IGFBP2: variants seen among roughly 807,000 people sequenced by gnomAD.
IGFBP2 encodes the protein insulin-like growth factor-binding protein 2.
In IGFBP2, 12 loss-of-function variants were observed where a neutral mutation model predicts 26.2. That is an observed-to-expected ratio of 0.46 (90% confidence interval 0.29 to 0.74). The LOEUF (loss-of-function observed/expected upper bound fraction) is 0.74. Among genes scored for constraint, IGFBP2 ranks in the 30% least tolerant of loss-of-function variants. IGFBP2 has a pLI of 0.09. For missense variants in IGFBP2, 328 were observed against 441.2 expected, an observed-to-expected ratio of 0.74 and a Z score of 2.30; for synonymous variants, 189 against 200.6, an observed-to-expected ratio of 0.94 and a Z score of 0.49.
intron 1 of IGFBP2, among the ~76,000 whole-genome samples, chr2:216,657,920 G>A (rs1291891140): frequency 6.6e-6 from 1 of 151,648 alleles, no homozygotes; most frequent in African/African-American, 2.4e-5. Context: ...TTTTTTTCCT[G>A]GAGTTCAACA....
At chr2:216,637,766 A>C (rs1296667005) in intron 1 of IGFBP2, among the ~76,000 whole-genome samples, 2 of 152,152 alleles carry the variant, frequency 1.3e-5, no homozygotes, top group Non-Finnish European at 2.9e-5. Context: ...TGGACTGTTG[A>C]GCTTCCTGTC....
At position 216,661,648 on chromosome 2, in the gene IGFBP2, A is replaced by G. The variant is rs955909073; in HGVS notation, c.673-210A>G. ...GAGAGGAGTGAACATTCCCATCCATACAATTTTCTTTAGGGGCTGGGGTTG... is the reference window on the plus strand; with the variant it reads ...GAGAGGAGTGAACATTCCCATCCATGCAATTTTCTTTAGGGGCTGGGGTTG... On this transcript the variant is annotated intron_variant, in intron 2 of 3. Coordinates refer to ENST00000233809, the MANE Select transcript of IGFBP2 (RefSeq NM_000597.3). 31 of 644,196 alleles carry G rather than the reference A, an allele frequency of 4.8e-5. No individual in the cohort carries two copies. The African/African-American group carries it at 5.2e-4, about 11-fold the overall frequency. 39.9% of individuals were successfully genotyped at this position (644,196 alleles called of 1,614,324 possible).
At position 216,660,802 on chromosome 2, in the gene IGFBP2, G is replaced by T; in HGVS notation, c.672+16G>T. Reference sequence around the variant, plus strand: ...CCCTGCCAGGGTCAGTGAGGGTCAGGTCTGGTGGAAGGGGTGGGAGGACAA... The same window carrying T: ...CCCTGCCAGGGTCAGTGAGGGTCAGTTCTGGTGGAAGGGGTGGGAGGACAA... On this transcript the variant is annotated intron_variant, in intron 2 of 3. Coordinates refer to ENST00000233809, the MANE Select transcript of IGFBP2 (RefSeq NM_000597.3). 1 of 1,556,984 alleles carries T rather than the reference G, an allele frequency of 6.4e-7. No individual in the cohort carries two copies. Among genetic ancestry groups the T allele is most frequent in the African/African-American group, 1.4e-5 (1 of 73,644 alleles).
At chr2:216,661,710 G>A (rs1475346898) in intron 2 of IGFBP2, 148 bp from the exon 3 acceptor site, 3 of 907,668 alleles carry the variant, frequency 3.3e-6, no homozygotes, top group Admixed American at 2.0e-5. Context: ...CGGGCAGGCT[G>A]TCAGAAGTCC....
intron 1 of IGFBP2, chr2:216,659,744 G>C (rs1341091377): frequency 1.3e-6 from 2 of 1,535,268 alleles, no homozygotes; most frequent in Non-Finnish European, 1.7e-6. Flanking sequence ...TTCATGCCCT[G>C]CAGTAAGCTG....
chr2:216,663,587 C>G (rs1427344361), intron 3 of IGFBP2: 1 of 218,020 alleles, frequency 4.6e-6, no homozygotes, highest in African/African-American at 2.2e-5. Context: ...TATGACTAAG[C>G]TTCAGTATGC....
In IGFBP2 at chr2:216,662,189, C is replaced by T. The variant is rs190231045; in HGVS notation, c.813+191C>T. 314 of 640,734 alleles carry T rather than the reference C, an allele frequency of 4.9e-4. 1 individual carries two copies. Among genetic ancestry groups the T allele is most frequent in the Middle Eastern group, 1.3e-3 (3 of 2,314 alleles). 39.7% of individuals were successfully genotyped at this position (640,734 alleles called of 1,614,324 possible). ...AGGGTGCAGCTCTTCTCCCTGCCTCCGACGGGTCAGTTGCTGGCTCCACTT... is the reference window on the plus strand; with the variant it reads ...AGGGTGCAGCTCTTCTCCCTGCCTCTGACGGGTCAGTTGCTGGCTCCACTT... On this transcript the variant is annotated intron_variant, in intron 3 of 3. Coordinates refer to ENST00000233809, the MANE Select transcript of IGFBP2 (RefSeq NM_000597.3).
intron 1 of IGFBP2, among the ~76,000 whole-genome samples, chr2:216,635,757 TG>T (rs1559173552): frequency 6.7e-6 from 1 of 150,338 alleles, no homozygotes; most frequent in African/African-American, 2.5e-5. Flanking sequence ...CTGAAGGGGG[TG>T]GGGGGTAGTT....
rs767042964 is a variant in IGFBP2, at chr2:216,660,539, C to T, written c.443-18C>T. The T allele has an allele frequency of 6.4e-7, 1 of 1,568,606 alleles. No individual in the cohort carries two copies. Among genetic ancestry groups the T allele is most frequent in the South Asian group, 1.2e-5 (1 of 84,018 alleles). The stretch of plus-strand genomic sequence containing the variant: ...GGAAACTGGACCTGGAGCTTTTCTT[C>T]CCTTCCTCTCTTGGCAGACAATGGC... On this transcript the variant is annotated intron_variant, in intron 1 of 3. Coordinates refer to ENST00000233809, the MANE Select transcript of IGFBP2 (RefSeq NM_000597.3).
rs1405887908 is a variant in IGFBP2, at chr2:216,652,260, G to A, written c.443-8297G>A. On this transcript the variant is annotated intron_variant, in intron 1 of 3. Transcript: ENST00000233809. ...GCGATCTTGGCTCACTGCAACCTCC[G>A]CTTCCCGGGTTCAAGTGATTCTCCT... Among the ~76,000 whole-genome samples, 12 of 146,870 alleles carry A rather than the reference G, an allele frequency of 8.2e-5. No homozygotes were observed. The East Asian group carries it at 1.4e-3, about 17-fold the overall frequency.
At chr2:216,655,902 C>CA (rs200162837) in intron 1 of IGFBP2, among the ~76,000 whole-genome samples, 9,209 of 126,830 alleles carry the variant, frequency 0.073, 386 homozygotes, top group African/African-American at 0.13. Context: ...CTCAAAAAAA[C>CA]AAAAAAAAAA....
intron 1 of IGFBP2, among the ~76,000 whole-genome samples, chr2:216,647,232 GA>G (rs1032323836): frequency 3.4e-5 from 5 of 148,120 alleles, no homozygotes; most frequent in Non-Finnish European, 4.5e-5. Flanking sequence ...AGTCTTGGAA[GA>G]AAAAAAAAAG....
intron 1 of IGFBP2, among the ~76,000 whole-genome samples, chr2:216,656,869 C>T (rs1357828100): frequency 2.6e-5 from 4 of 152,142 alleles, no homozygotes; most frequent in Non-Finnish European, 5.9e-5. Flanking sequence ...GGTGCAGTAC[C>T]AGCAGACTCC....
rs567811649 is a variant in IGFBP2 at position 216,663,871 on chromosome 2, G to A, written c.814-69G>A. On this transcript the variant is annotated intron_variant, in intron 3 of 3. Coordinates refer to ENST00000233809, the MANE Select transcript of IGFBP2 (RefSeq NM_000597.3). Reference sequence around the variant, plus strand: ...TGCAAGGGGTGGCTGCTCAGTGGACGCCGGGTTGAGGGACAGAAGGAAAGT... The same window carrying A: ...TGCAAGGGGTGGCTGCTCAGTGGACACCGGGTTGAGGGACAGAAGGAAAGT... The A allele has an allele frequency of 1.4e-4, 220 of 1,531,584 alleles. No homozygotes were observed. In the African/African-American group the frequency reaches 2.3e-3, roughly 16 times the overall value. 94.9% of individuals were successfully genotyped at this position (1,531,584 alleles called of 1,614,324 possible). A position where few individuals can be genotyped will look rare whatever the true frequency, so the allele number is the denominator to read the frequency against.
At chr2:216,633,092 A>G (rs1048024833), upstream of IGFBP2, 6 of 152,174 alleles carry the variant, frequency 3.9e-5, no homozygotes, top group African/African-American at 4.8e-5. Context: ...GCGCAAACGA[A>G]GTCCTCGCGA....
At chr2:216,650,357 T>G (rs1399305337) in intron 1 of IGFBP2, among the ~76,000 whole-genome samples, 1 of 152,166 alleles carries the variant, frequency 6.6e-6, no homozygotes, top group Non-Finnish European at 1.5e-5. Context: ...CCAGGGGTGG[T>G]GGTGAAGTCA....
intron 1 of IGFBP2, among the ~76,000 whole-genome samples, chr2:216,641,241 C>T (rs1697606935): frequency 6.6e-6 from 1 of 152,188 alleles, no homozygotes; most frequent in African/African-American, 2.4e-5. Flanking sequence ...TGACAATTAG[C>T]TGGCCTTTAA....
rs1250755922 is a variant in IGFBP2, at chr2:216,633,543, G to A, written c.20G>A (p.Cys7Tyr). The A allele has an allele frequency of 6.5e-6, 6 of 918,950 alleles. No homozygotes were observed. The highest frequency in any genetic ancestry group is 7.8e-6 in the Non-Finnish European group (6 of 767,352). 56.9% of individuals were successfully genotyped at this position (918,950 alleles called of 1,614,324 possible). A position where few individuals can be genotyped will look rare whatever the true frequency, so the allele number is the denominator to read the frequency against. ...GCCAGCATGCTGCCGAGAGTGGGCT[G>A]CCCCGCGCTGCCGCTGCCGCCGCCG... MLPRVGCPALPLPPPPL... is the reference protein window; with the variant it reads MLPRVGYPALPLPPPPL... Residue 7 changes from cysteine (C) to tyrosine (Y), a missense_variant, in exon 1 of 4, where the codon TGC becomes TAC. Coordinates refer to ENST00000233809, the MANE Select transcript of IGFBP2 (RefSeq NM_000597.3).
intron 1 of IGFBP2, among the ~76,000 whole-genome samples, chr2:216,634,885 GA>G (rs1421202716): frequency 2.1e-5 from 1 of 46,774 alleles, no homozygotes; most frequent in African/African-American, 6.3e-5. Flanking sequence ...AGGCTCTAAG[GA>G]GGTTACTTTT....
Sources: gnomAD v4.1 joint callset for allele counts (sites outside exome capture counted in the v4.1 genomes callset) on GRCh38, gnomAD v4.1.1 for gene constraint, MANE v1.5 for transcripts, NCBI Gene and HGNC (gene_info 2026-07-23, HGNC 2026-07-21) for gene names.